SLC25A21: variants seen among roughly 807,000 people sequenced by gnomAD.
SLC25A21 encodes solute carrier family 25 member 21.
SLC25A21 carries 47 observed loss-of-function variants against 43.8 expected under a neutral mutation model. The observed-to-expected ratio is 1.07, with a 90% CI of 0.85 to 1.37. The LOEUF (loss-of-function observed/expected upper bound fraction) is 1.37, where lower values mean the gene tolerates loss of function less well. Among genes scored for constraint, SLC25A21 ranks in the 40% most tolerant of loss-of-function variants. The pLI is 0.00. For synonymous variants in SLC25A21, 131 were observed against 121.3 expected (o/e 1.08, Z -0.52); for missense variants, 352 against 350.2 (o/e 1.00, Z -0.04).
chr14:37,024,764 T>C (rs758662158), intron 1 of SLC25A21, among the ~76,000 whole-genome samples: 1 of 152,072 alleles, frequency 6.6e-6, no homozygotes, highest in Admixed American at 6.6e-5. Context: ...AGCAACAGAT[T>C]AGAATTTTAA....
At chr14:36,989,115 T>A (rs1960208568) in intron 1 of SLC25A21, among the ~76,000 whole-genome samples, 1 of 152,216 alleles carries the variant, frequency 6.6e-6, no homozygotes, top group African/African-American at 2.4e-5. Flanking sequence ...AGATCTCAGT[T>A]CTCACTTGGA....
At chr14:36,711,693 T>C (rs1426729585) in intron 6 of SLC25A21, among the ~76,000 whole-genome samples, 1 of 152,228 alleles carries the variant, frequency 6.6e-6, no homozygotes, top group Non-Finnish European at 1.5e-5. Flanking sequence ...TAGAAAAGAT[T>C]GTTGGCAAAG....
At position 36,776,230 on chromosome 14, in the gene SLC25A21, C is replaced by CTT. The variant is rs1328087696; in HGVS notation, c.203+37686_203+37687dup. 2.1e-4 allele frequency among the ~76,000 whole-genome samples: 15 copies of CTT among 70,788 alleles called. 2 individuals are homozygous for CTT. Among genetic ancestry groups the CTT allele is most frequent in the East Asian group, 8.2e-4 (2 of 2,430 alleles). 46.4% of individuals were successfully genotyped at this position (70,788 alleles called of 152,430 possible). A position where few individuals can be genotyped will look rare whatever the true frequency, so the allele number is the denominator to read the frequency against. On this transcript the variant is annotated intron_variant, in intron 3 of 9. Coordinates refer to ENST00000331299, the MANE Select transcript of SLC25A21 (RefSeq NM_030631.4). ...ACTGCTTTCTTTTTTCTTTTTCTTT[C>CTT]TTTCTTTCTTTTTTTTTTTTTTTTG...
intron 7 of SLC25A21, among the ~76,000 whole-genome samples, chr14:36,707,560 C>A (rs1883630581): frequency 6.6e-6 from 1 of 152,080 alleles, no homozygotes; most frequent in South Asian, 2.1e-4. Flanking sequence ...CTAGTACAAT[C>A]TAGTATATAT....
chr14:36,750,135 G>A (rs987242263), intron 3 of SLC25A21, among the ~76,000 whole-genome samples: 1 of 152,172 alleles, frequency 6.6e-6, no homozygotes, highest in African/African-American at 2.4e-5. Context: ...TGTTGGTGTT[G>A]TGAACAGAAA....
chr14:36,693,479 A>G (rs1376915300), intron 7 of SLC25A21, among the ~76,000 whole-genome samples: 4 of 152,232 alleles, frequency 2.6e-5, no homozygotes, highest in African/African-American at 9.6e-5. Flanking sequence ...GACTGAACAT[A>G]CAAGATTAAA....
intron 3 of SLC25A21, among the ~76,000 whole-genome samples, chr14:36,794,192 T>C (rs1170899500): frequency 6.6e-6 from 1 of 152,144 alleles, no homozygotes; most frequent in Non-Finnish European, 1.5e-5. Flanking sequence ...GAGGCAGATG[T>C]ACACAGTGCC....
intron 4 of SLC25A21, among the ~76,000 whole-genome samples, chr14:36,730,775 G>A (rs1884786174): frequency 6.6e-6 from 1 of 152,090 alleles, no homozygotes. Flanking sequence ...TCCTATTCTA[G>A]GTACTGGGGA....
chr14:36,782,001 C>T (rs1887081489), intron 3 of SLC25A21, among the ~76,000 whole-genome samples: 1 of 152,154 alleles, frequency 6.6e-6, no homozygotes, highest in Non-Finnish European at 1.5e-5. Flanking sequence ...ATAGCTTTGT[C>T]AGGTAAGAGT....
chr14:36,690,129 G>A (rs764658541), intron 7 of SLC25A21, among the ~76,000 whole-genome samples: 4 of 152,150 alleles, frequency 2.6e-5, no homozygotes, highest in African/African-American at 9.7e-5. Context: ...GGGTCATTGT[G>A]TACTGGCTAG....
intron 1 of SLC25A21, among the ~76,000 whole-genome samples, chr14:37,146,735 G>A (rs1451044224): frequency 6.6e-6 from 1 of 151,442 alleles, no homozygotes. Flanking sequence ...TAAAAACTAG[G>A]GTATTTTATT....
At chr14:36,867,247 T>C (rs944993030) in intron 2 of SLC25A21, among the ~76,000 whole-genome samples, 13 of 152,178 alleles carry the variant, frequency 8.5e-5, no homozygotes, top group Admixed American at 6.5e-5. Flanking sequence ...TCAAGTAATG[T>C]CTCCCTTTTT....
intron 2 of SLC25A21, among the ~76,000 whole-genome samples, chr14:36,832,919 A>C (rs1174032745): frequency 6.6e-6 from 1 of 152,202 alleles, no homozygotes; most frequent in Non-Finnish European, 1.5e-5. Flanking sequence ...TTTGTACTTC[A>C]TTAAAATAAA....
At position 36,851,814 on chromosome 14, in the gene SLC25A21, T is replaced by C. The variant is rs1889747253; in HGVS notation, c.119+23142A>G. ...TGAATTGCTAATCCCCAGAACCCTATGAAAGGTTGCTTGATACACACTGAT... is the reference window on the plus strand; with the variant it reads ...TGAATTGCTAATCCCCAGAACCCTACGAAAGGTTGCTTGATACACACTGAT... On this transcript the variant is annotated intron_variant, in intron 2 of 9. Transcript: ENST00000331299. 2.0e-5 allele frequency among the ~76,000 whole-genome samples: 3 copies of C among 152,182 alleles called. No homozygotes were observed. The South Asian group carries it at 6.2e-4, about 32-fold the overall frequency.
At chr14:37,131,020 G>C (rs543442614) in intron 1 of SLC25A21, among the ~76,000 whole-genome samples, 1 of 152,222 alleles carries the variant, frequency 6.6e-6, no homozygotes, top group Admixed American at 6.5e-5. Context: ...ATGATAATCA[G>C]AGAGAAAAAC....
chr14:37,050,291 C>T (rs1961676678), intron 1 of SLC25A21, among the ~76,000 whole-genome samples: 1 of 152,204 alleles, frequency 6.6e-6, no homozygotes, highest in Non-Finnish European at 1.5e-5. Flanking sequence ...CCATACATGG[C>T]ATTTTCTATC....
chr14:36,845,751 A>G (rs1401511402), intron 2 of SLC25A21, among the ~76,000 whole-genome samples: 1 of 152,182 alleles, frequency 6.6e-6, no homozygotes, highest in Non-Finnish European at 1.5e-5. Context: ...ATTAGCTGGG[A>G]TTTTAGACAT....
At chr14:37,066,657 TA>T (rs1255659872) in intron 1 of SLC25A21, among the ~76,000 whole-genome samples, 7 of 152,118 alleles carry the variant, frequency 4.6e-5, no homozygotes, top group Non-Finnish European at 1.0e-4. Flanking sequence ...AAATGGTTCA[TA>T]AAAAAGTACA....
At chr14:37,046,555 T>C (rs765536696) in intron 1 of SLC25A21, among the ~76,000 whole-genome samples, 27 of 152,200 alleles carry the variant, frequency 1.8e-4, no homozygotes, top group Non-Finnish European at 1.2e-4. Context: ...GTCATGTTGA[T>C]AATACTGTTA....
Sources: allele counts gnomAD v4.1 joint callset (sites outside exome capture counted in the v4.1 genomes callset), GRCh38; gene constraint gnomAD v4.1.1; transcripts MANE v1.5; gene names NCBI Gene and HGNC (gene_info 2026-07-23, HGNC 2026-07-21).